Variants in KPNA1 observed in about 807,000 individuals in gnomAD.
The protein encoded by KPNA1 is karyopherin subunit alpha 1.
Under a neutral mutation model 70.5 loss-of-function variants are expected in KPNA1, and 10 were observed. The ratio of observed to expected loss-of-function variants is 0.14; its 90% CI spans 0.09 to 0.24. The LOEUF (loss-of-function observed/expected upper bound fraction) is 0.24, where lower values mean the gene tolerates loss of function less well. Ranked by LOEUF, KPNA1 falls within the 10% of genes least tolerant of loss-of-function variation. KPNA1 has a pLI of 1.00. For synonymous variants in KPNA1, 192 were observed against 221.9 expected (o/e 0.87, Z 1.20); for missense variants, 397 against 637.9 (o/e 0.62, Z 4.07).
intron 2 of KPNA1, among the ~76,000 whole-genome samples, chr3:122,471,126 C>G (rs2076437818): frequency 6.6e-6 from 1 of 152,066 alleles, no homozygotes; most frequent in Admixed American, 6.5e-5. Flanking sequence ...AGAAAGTCCT[C>G]AGATAAAGAA....
chr3:122,426,964 A>G lies in KPNA1; in HGVS notation c.*21T>C. 6.2e-7 allele frequency: 1 copy of G among 1,605,430 alleles called. No individual in the cohort carries two copies. The highest frequency in any genetic ancestry group is 8.5e-7 in the Non-Finnish European group (1 of 1,172,758). ...CTGGGTAGCCTGGTCTGACACAGGT[A>G]CGTGAAAGCAGAGTATTGCTTCAAA... On this transcript the variant is annotated 3_prime_UTR_variant, in exon 14 of 14. Transcript: ENST00000344337.
At chr3:122,502,059 T>A (rs1276791605) in intron 1 of KPNA1, among the ~76,000 whole-genome samples, 1 of 152,238 alleles carries the variant, frequency 6.6e-6, no homozygotes, top group Admixed American at 6.5e-5. Context: ...CACTAATTTA[T>A]AACATGCTAC....
intron 10 of KPNA1, among the ~76,000 whole-genome samples, chr3:122,438,511 T>C (rs1224651255): frequency 6.6e-6 from 1 of 151,852 alleles, no homozygotes; most frequent in African/African-American, 2.4e-5. Flanking sequence ...CTCAGCCTCC[T>C]GAGTAGCTGG....
At chr3:122,456,470 G>A (rs1302341089) in intron 5 of KPNA1, among the ~76,000 whole-genome samples, 1 of 152,134 alleles carries the variant, frequency 6.6e-6, no homozygotes, top group Non-Finnish European at 1.5e-5. Context: ...GGGTATACAG[G>A]GATATAGTAC....
At chr3:122,459,909 T>C in intron 5 of KPNA1, 3 of 985,322 alleles carry the variant, frequency 3.0e-6, no homozygotes, top group Non-Finnish European at 3.6e-6. Flanking sequence ...GAATAATCTA[T>C]AATGGTGTAG....
chr3:122,496,705 C>G (rs979718427), intron 1 of KPNA1, 135 bp from the exon 2 acceptor site: 26 of 709,994 alleles, frequency 3.7e-5, no homozygotes, highest in Admixed American at 3.2e-4. Flanking sequence ...TCCCCTCCCC[C>G]ACTCCTGTCT....
chr3:122,485,076 T>TTGTTGTTTTGTTCTTTC (rs1401198937), intron 2 of KPNA1, among the ~76,000 whole-genome samples: 3 of 152,132 alleles, frequency 2.0e-5, no homozygotes, highest in Non-Finnish European at 4.4e-5. Flanking sequence ...GTTGCTGTTG[T>TTGTTGTTTTGTTCTTTC]TGTTGTTTTG....
chr3:122,497,232 G>A (rs1409296797), intron 1 of KPNA1, among the ~76,000 whole-genome samples: 1 of 152,090 alleles, frequency 6.6e-6, no homozygotes, highest in Non-Finnish European at 1.5e-5. Context: ...ATGTTTTCAA[G>A]GTTCATCCAT....
intron 2 of KPNA1, among the ~76,000 whole-genome samples, chr3:122,493,320 C>T (rs1482606024): frequency 6.7e-6 from 1 of 148,744 alleles, no homozygotes; most frequent in Non-Finnish European, 1.5e-5. Context: ...CTTTTAGTCT[C>T]AGAAATACTA....
chr3:122,431,182 CAG>C (rs2075900948), intron 12 of KPNA1, among the ~76,000 whole-genome samples: 2 of 152,274 alleles, frequency 1.3e-5, no homozygotes, highest in South Asian at 2.1e-4. Flanking sequence ...TCTTTTGAGA[CAG>C]AGTCTCTCAC....
chr3:122,453,753 T>C (rs984964606), intron 6 of KPNA1, 117 bp downstream of exon 6: 4 of 889,792 alleles, frequency 4.5e-6, no homozygotes, highest in Non-Finnish European at 6.6e-6. Flanking sequence ...GCTAGGCTGG[T>C]CTCGAACTCC....
intron 2 of KPNA1, among the ~76,000 whole-genome samples, chr3:122,486,583 T>C (rs983324332): frequency 3.3e-5 from 5 of 151,380 alleles, no homozygotes; most frequent in African/African-American, 4.8e-5. Context: ...TATGTTAAAG[T>C]CTGTGCATTC....
intron 7 of KPNA1, 22 bp downstream of exon 7, chr3:122,451,950 AAAGG>A: frequency 7.2e-7 from 1 of 1,387,710 alleles, no homozygotes; most frequent in Non-Finnish European, 1.0e-6. Context: ...AAAGAAAAAA[AAAGG>A]AAGAAGGAAG....
At position 122,467,351 on chromosome 3, in the gene KPNA1, C is replaced by T; in HGVS notation, c.208G>A (p.Ala70Thr). ...EVMSDGGFHEAQISNMEMAPG... is the reference protein window; with the variant it reads ...EVMSDGGFHETQISNMEMAPG... Reference sequence around the variant, plus strand: ...GCCATCTCCATGTTACTAATCTGAGCCTCATGAAAGCCTCCATCTGACATA... The same window carrying T: ...GCCATCTCCATGTTACTAATCTGAGTCTCATGAAAGCCTCCATCTGACATA... Residue 70 changes from alanine (A) to threonine (T), a missense_variant, in exon 3 of 14, where the codon GCT becomes ACT. Coordinates refer to ENST00000344337, the MANE Select transcript of KPNA1 (RefSeq NM_002264.4). 6.2e-7 allele frequency: 1 copy of T among 1,602,620 alleles called. No individual in the cohort carries two copies. The highest frequency in any genetic ancestry group is 8.5e-7 in the Non-Finnish European group (1 of 1,170,742).
intron 2 of KPNA1, among the ~76,000 whole-genome samples, chr3:122,485,890 CTTTA>C (rs751135676): frequency 1.4e-4 from 21 of 152,170 alleles, no homozygotes; most frequent in Admixed American, 9.8e-4. Flanking sequence ...ATGCTTACAA[CTTTA>C]TTTATTAGGT....
chr3:122,474,444 G>A (rs2076475811), intron 2 of KPNA1, among the ~76,000 whole-genome samples: 1 of 152,126 alleles, frequency 6.6e-6, no homozygotes, highest in Non-Finnish European at 1.5e-5. Flanking sequence ...AAGATTTATC[G>A]TAAGCAAGAC....
At chr3:122,468,653 T>C (rs954571681) in intron 2 of KPNA1, among the ~76,000 whole-genome samples, 4 of 152,186 alleles carry the variant, frequency 2.6e-5, no homozygotes, top group Non-Finnish European at 4.4e-5. Flanking sequence ...GTTGAGATTA[T>C]CGGACCAAGA....
At chr3:122,488,513 A>C (rs1274656812) in intron 2 of KPNA1, among the ~76,000 whole-genome samples, 1 of 152,104 alleles carries the variant, frequency 6.6e-6, no homozygotes, top group Non-Finnish European at 1.5e-5. Flanking sequence ...ACAGAATGAG[A>C]CTCTGTCTCC....
intron 2 of KPNA1, among the ~76,000 whole-genome samples, chr3:122,472,485 G>A (rs1314246198): frequency 6.6e-6 from 1 of 151,582 alleles, no homozygotes; most frequent in African/African-American, 2.4e-5. Context: ...TACCAGAAAA[G>A]ACAAAAGATC....
Sources: allele counts gnomAD v4.1 joint callset (sites outside exome capture counted in the v4.1 genomes callset), GRCh38; gene constraint gnomAD v4.1.1; transcripts MANE v1.5; gene names NCBI Gene and HGNC (gene_info 2026-07-23, HGNC 2026-07-21).